DTYMK: variants seen among roughly 807,000 people sequenced by gnomAD.
DTYMK encodes the protein deoxythymidylate kinase, also known as thymidylate kinase.
DTYMK carries 20 observed loss-of-function variants against 20.3 expected under a neutral mutation model. That is an observed-to-expected ratio of 0.99 (90% CI 0.69 to 1.43). The LOEUF (loss-of-function observed/expected upper bound fraction) is 1.43. Ranked by LOEUF, DTYMK falls within the 40% of genes most tolerant of loss-of-function variation. DTYMK has a pLI of 0.00. For synonymous variants in DTYMK, 148 were observed against 124.4 expected (o/e 1.19, Z -1.27); for missense variants, 320 against 291.1 (o/e 1.10, Z -0.72).
Position 241,686,645 on chromosome 2 carries a change from C to G in DTYMK, c.130+9G>C. On this transcript the variant is annotated intron_variant, in intron 1 of 4. Coordinates refer to ENST00000305784, the MANE Select transcript of DTYMK (RefSeq NM_012145.4). Reference sequence around the variant, plus strand: ...AGGCCGCGGCGCACCCCCCGCCGCGCGCACCCACCCGGGAACCGGAGCAGT... The same window carrying G: ...AGGCCGCGGCGCACCCCCCGCCGCGGGCACCCACCCGGGAACCGGAGCAGT... The G allele has an allele frequency of 6.7e-7, 1 of 1,502,954 alleles. No individual in the cohort carries two copies. Among genetic ancestry groups the G allele is most frequent in the Admixed American group, 2.3e-5 (1 of 43,310 alleles). The allele number at this position is 1,502,954 out of a possible 1,614,324, so 93.1% of individuals were successfully genotyped here. A position where few individuals can be genotyped will look rare whatever the true frequency, so the allele number is the denominator to read the frequency against.
chr2:241,677,142 TCTC>T (rs879451479), intron 4 of DTYMK, among the ~76,000 whole-genome samples: 17 of 152,330 alleles, frequency 1.1e-4, no homozygotes, highest in South Asian at 6.2e-4. Flanking sequence ...ACCGGACCCT[TCTC>T]AAGCTTCTGG....
At chr2:241,679,624 C>A (rs2069194539) in intron 3 of DTYMK, among the ~76,000 whole-genome samples, 2 of 149,830 alleles carry the variant, frequency 1.3e-5, no homozygotes, top group Non-Finnish European at 3.0e-5. Flanking sequence ...AGGGAGACGC[C>A]CTCTTTCAAA....
chr2:241,682,470 TAAG>T (rs1472062549), intron 2 of DTYMK: 1 of 275,750 alleles, frequency 3.6e-6, no homozygotes, highest in Non-Finnish European at 7.2e-6. Context: ...AACTCAAAAA[TAAG>T]AAATCAACCA....
chr2:241,680,443 G>C (rs1048729069), intron 2 of DTYMK, 124 bp from the exon 3 acceptor site: 5 of 928,300 alleles, frequency 5.4e-6, no homozygotes, highest in Non-Finnish European at 8.3e-6. Context: ...TTGGGAGGCT[G>C]AGGCGGGCGG....
At chr2:241,676,626 G>A (rs1559282121) in intron 4 of DTYMK, among the ~76,000 whole-genome samples, 1 of 152,214 alleles carries the variant, frequency 6.6e-6, no homozygotes, top group Non-Finnish European at 1.5e-5. Flanking sequence ...GTAGTCACCC[G>A]GCATTCCTGC....
At position 241,686,686 on chromosome 2, in the gene DTYMK, GCGGCGCACAGCGCTTC is replaced by G. The variant is rs1015715035; in HGVS notation, c.82_97del (p.Glu28ArgfsTer21). ...CCGGAGCAGTTCGGCGCGGTGGCCC[GCGGCGCACAGCGCTTC>G]CACCAGCTTGCGGCTCTGCGTGCTC... is the stretch of plus-strand genomic sequence containing the variant. On this transcript the variant is annotated frameshift_variant, in exon 1 of 5. Transcript: ENST00000305784. LOFTEE classifies it high-confidence loss of function. 5.0e-5 allele frequency: 76 copies of G among 1,531,838 alleles called. No homozygotes were observed. Among genetic ancestry groups the G allele is most frequent in the Non-Finnish European group, 5.9e-5 (68 of 1,150,916 alleles). 94.9% of individuals were successfully genotyped at this position (1,531,838 alleles called of 1,614,324 possible).
intron 1 of DTYMK, 37 bp downstream of exon 1, chr2:241,686,617 C>G: frequency 6.8e-7 from 1 of 1,472,204 alleles, no homozygotes; most frequent in Non-Finnish European, 8.9e-7. Flanking sequence ...GCAGAGGCAC[C>G]GAAGGCCGCG....
intron 4 of DTYMK, among the ~76,000 whole-genome samples, chr2:241,676,724 A>G (rs1188247813): frequency 3.9e-5 from 6 of 152,230 alleles, no homozygotes; most frequent in Non-Finnish European, 7.3e-5. Context: ...AACCCCGCTG[A>G]GTGCCCACTT....
chr2:241,685,861 G>A lies in DTYMK; in HGVS notation c.147C>T (p.Ile49=), dbSNP rs761416404. 21 of 1,613,980 alleles carry A rather than the reference G, an allele frequency of 1.3e-5. No individual in the cohort carries two copies. Among genetic ancestry groups the A allele is most frequent in the South Asian group, 8.8e-5 (8 of 91,084 alleles). ...GCAAGTAGGAACTCAGAAGTTTGCC[G>A]ATTTCAGTTGATCTTTCTAGAAAAA... ...LLRFPERSTE[I]GKLLSSYLQK... is the part of the protein sequence containing the mutation. The change falls in exon 2 of 5, where the codon ATC becomes ATT. Residue 49 remains isoleucine (I), a synonymous_variant. Coordinates refer to ENST00000305784, the MANE Select transcript of DTYMK (RefSeq NM_012145.4).
chr2:241,686,194 C>G (rs1191367226), intron 1 of DTYMK, among the ~76,000 whole-genome samples: 1 of 152,236 alleles, frequency 6.6e-6, no homozygotes, highest in African/African-American at 2.4e-5. Flanking sequence ...CACTTGAAAA[C>G]TTTTAAATAT....
chr2:241,686,545 A>T, intron 1 of DTYMK, 109 bp downstream of exon 1: 1 of 1,348,104 alleles, frequency 7.4e-7, no homozygotes, highest in Non-Finnish European at 9.5e-7. Context: ...CAAAATAAAA[A>T]CCGCACAGTT....
At position 241,678,618 on chromosome 2, in the gene DTYMK, T is replaced by C. The variant is rs761187550; in HGVS notation, c.362A>G (p.Asp121Gly). Reference sequence around the variant, plus strand: ...CAGGTCGGGTTTGGGAAGGCCCACGTCTGGCTGTTTACACCAATCTAGGGA... The same window carrying C: ...CAGGTCGGGTTTGGGAAGGCCCACGCCTGGCTGTTTACACCAATCTAGGGA... ...NFSLDWCKQPDVGLPKPDLVL... is the reference protein window; with the variant it reads ...NFSLDWCKQPGVGLPKPDLVL... Residue 121 changes from aspartate to glycine, a missense_variant, in exon 4 of 5, where the codon GAC becomes GGC. By Grantham distance (94) the Asp-to-Gly change is moderately conservative (BLOSUM62 -1). Transcript: ENST00000305784. 2.5e-6 allele frequency: 4 copies of C among 1,614,140 alleles called. No homozygotes were observed. The Admixed American group carries it at 6.7e-5, about 27-fold the overall frequency.
In DTYMK at chr2:241,680,336, T is replaced by G. The variant is rs753641792; in HGVS notation, c.240-17A>C. On this transcript the variant is annotated splice_polypyrimidine_tract_variant and intron_variant, in intron 2 of 4. Transcript: ENST00000305784. ...ATTAACGGCCTGAAAAAGAGGATGC[T>G]CCTGAGCCCTGGTCCTGTTTCATAG... 1 of 1,613,870 alleles carries G rather than the reference T, an allele frequency of 6.2e-7. No homozygotes were observed. The highest frequency in any genetic ancestry group is 8.5e-7 in the Non-Finnish European group (1 of 1,179,822).
Position 241,676,187 on chromosome 2 carries a change from C to T in DTYMK, c.579G>A (p.Val193=). 4 of 1,613,262 alleles carry T rather than the reference C, an allele frequency of 2.5e-6. No individual in the cohort carries two copies. Among genetic ancestry groups the T allele is most frequent in the African/African-American group, 1.3e-5 (1 of 75,034 alleles). ...CAGTGCGGATGGCGTCCTCAGAGAGCACGCGGATGTCCTCATGGACAGCTT... is the reference window on the plus strand; with the variant it reads ...CAGTGCGGATGGCGTCCTCAGAGAGTACGCGGATGTCCTCATGGACAGCTT... ...SIEAVHEDIR[V]LSEDAIRTAT... Residue 193 remains valine (V), a synonymous_variant, in exon 5 of 5, where the codon GTG becomes GTA. Transcript: ENST00000305784.
In DTYMK at chr2:241,686,215, AC is replaced by A. The variant is rs1425243942; in HGVS notation, c.131-339del. 2.0e-5 allele frequency among the ~76,000 whole-genome samples: 3 copies of A among 152,160 alleles called. No homozygotes were observed. In the East Asian group the frequency reaches 5.8e-4, roughly 29 times the overall value. The stretch of plus-strand genomic sequence containing the variant: ...AAAACTTTTAAATATATGCTATAAA[AC>A]CCCTGAAAGCGCGAACAGCCATCAA... On this transcript the variant is annotated intron_variant, in intron 1 of 4. Transcript: ENST00000305784.
At chr2:241,686,569 C>T (rs1161095341) in intron 1 of DTYMK, 85 bp downstream of exon 1, 7 of 1,393,362 alleles carry the variant, frequency 5.0e-6, no homozygotes, top group South Asian at 1.6e-5. Context: ...AGCACGCCAG[C>T]CGCAGACAAC....
intron 1 of DTYMK, 21 bp downstream of exon 1, chr2:241,686,633 C>A (rs775312315): frequency 6.7e-7 from 1 of 1,486,652 alleles, no homozygotes; most frequent in Non-Finnish European, 8.8e-7. Context: ...CCGCGGCGCA[C>A]CCCCCGCCGC....
At chr2:241,678,911 C>T (rs1559284268) in intron 3 of DTYMK, among the ~76,000 whole-genome samples, 1 of 152,224 alleles carries the variant, frequency 6.6e-6, no homozygotes, top group Non-Finnish European at 1.5e-5. Context: ...ACAGCCCAGG[C>T]CCCATGGAGG....
intron 2 of DTYMK, among the ~76,000 whole-genome samples, chr2:241,683,277 G>A (rs34833696): frequency 0.38 from 58,357 of 152,060 alleles, 11,528 homozygotes; most frequent in Middle Eastern, 0.51. Context: ...GCTGGTGAGG[G>A]TCTGGAGCAA....
Sources: allele counts gnomAD v4.1 joint callset (sites outside exome capture counted in the v4.1 genomes callset), GRCh38; gene constraint gnomAD v4.1.1; transcripts MANE v1.5; gene names NCBI Gene and HGNC (gene_info 2026-07-23, HGNC 2026-07-21).